The following NIBAN1 variants were observed in gnomAD, a reference collection of about 807,000 sequenced individuals.
The protein encoded by NIBAN1 is protein Niban 1.
Under a neutral mutation model 75.1 loss-of-function variants are expected in NIBAN1, and 81 were observed. That is an observed-to-expected ratio of 1.08 (90% CI 0.90 to 1.30). The LOEUF (loss-of-function observed/expected upper bound fraction) is 1.30. NIBAN1 is among the 50% of genes most tolerant of loss of function. NIBAN1 has a pLI of 0.00. For synonymous variants in NIBAN1, 436 were observed against 424.8 expected (o/e 1.03, Z -0.32); for missense variants, 1,133 against 1,128.1 (o/e 1.00, Z -0.06).
chr1:184,929,135 G>A (rs1284923568), intron 1 of NIBAN1, among the ~76,000 whole-genome samples: 1 of 152,084 alleles, frequency 6.6e-6, no homozygotes, highest in African/African-American at 2.4e-5. Flanking sequence ...CATGATTTTA[G>A]TGTCATATTG....
intron 12 of NIBAN1, among the ~76,000 whole-genome samples, chr1:184,802,310 A>T (rs1571470975): frequency 6.6e-6 from 1 of 152,296 alleles, no homozygotes; most frequent in African/African-American, 2.4e-5. Context: ...GCTTGGAAAG[A>T]GGGGAGCCGA....
intron 6 of NIBAN1, among the ~76,000 whole-genome samples, chr1:184,824,916 G>A (rs1654804654): frequency 6.6e-6 from 1 of 152,134 alleles, no homozygotes; most frequent in Admixed American, 6.5e-5. Flanking sequence ...GACACACATA[G>A]CTACCTTGGC....
At chr1:184,952,167 A>G (rs1281959007) in intron 1 of NIBAN1, among the ~76,000 whole-genome samples, 6 of 152,234 alleles carry the variant, frequency 3.9e-5, no homozygotes, top group Non-Finnish European at 4.4e-5. Context: ...TTGGGAAGCC[A>G]AGGTGGGCAA....
chr1:184,808,522 A>G (rs1654273654), intron 9 of NIBAN1, among the ~76,000 whole-genome samples: 1 of 151,922 alleles, frequency 6.6e-6, no homozygotes, highest in Non-Finnish European at 1.5e-5. Flanking sequence ...CTGTTGATGG[A>G]CTCTAATCTC....
intron 1 of NIBAN1, among the ~76,000 whole-genome samples, chr1:184,946,117 T>C (rs1396379319): frequency 6.6e-6 from 1 of 152,072 alleles, no homozygotes; most frequent in Non-Finnish European, 1.5e-5. Flanking sequence ...AGAAGCATTC[T>C]AATGGTTATG....
At chr1:184,961,055 T>C (rs1658624903) in intron 1 of NIBAN1, among the ~76,000 whole-genome samples, 1 of 136,510 alleles carries the variant, frequency 7.3e-6, no homozygotes, top group Non-Finnish European at 1.6e-5. Context: ...CTATATGCCG[T>C]TCTTTTTTTT....
At chr1:184,808,796 T>C (rs1383234738) in intron 9 of NIBAN1, among the ~76,000 whole-genome samples, 6 of 152,292 alleles carry the variant, frequency 3.9e-5, no homozygotes, top group East Asian at 1.9e-4. Flanking sequence ...GGCAGAGCCC[T>C]GTACTGGGAG....
intron 1 of NIBAN1, among the ~76,000 whole-genome samples, chr1:184,939,925 GA>G (rs1463147409): frequency 6.6e-6 from 1 of 152,140 alleles, no homozygotes; most frequent in Non-Finnish European, 1.5e-5. Context: ...ATGGCATTTG[GA>G]AAATATGGAA....
chr1:184,808,176 A>T lies in NIBAN1; in HGVS notation c.1233T>A (p.Thr411=). 6.2e-6 allele frequency: 10 copies of T among 1,614,168 alleles called. No homozygotes were observed. The highest frequency in any genetic ancestry group is 8.5e-6 in the Non-Finnish European group (10 of 1,180,010). ...GGCGCTCGTGAAGCAGGTTGACTTT[A>T]GTATAACAAGGTTCCATCTTCACGG... ...LHSVKMEPCY[T]KVNLLHERLQ... is the part of the protein sequence containing the mutation. Residue 411 remains threonine, a synonymous_variant, in exon 10 of 14, where the codon ACT becomes ACA. Coordinates refer to ENST00000367511, the MANE Select transcript of NIBAN1 (RefSeq NM_052966.4).
At chr1:184,920,662 T>C (rs1005351495) in intron 1 of NIBAN1, among the ~76,000 whole-genome samples, 1 of 152,170 alleles carries the variant, frequency 6.6e-6, no homozygotes, top group Non-Finnish European at 1.5e-5. Flanking sequence ...ATCTTAATTA[T>C]TATTAAATTT....
intron 1 of NIBAN1, among the ~76,000 whole-genome samples, chr1:184,912,325 C>T (rs1216603845): frequency 2.0e-5 from 3 of 152,106 alleles, no homozygotes; most frequent in Non-Finnish European, 4.4e-5. Flanking sequence ...AACATTGGTG[C>T]ACGAATCTCC....
intron 9 of NIBAN1, among the ~76,000 whole-genome samples, chr1:184,811,365 G>A (rs1654370749): frequency 6.6e-6 from 1 of 152,086 alleles, no homozygotes; most frequent in African/African-American, 2.4e-5. Context: ...CTTAATTTCT[G>A]GAAAACTGAG....
At chr1:184,961,474 C>A (rs1289267979) in intron 1 of NIBAN1, among the ~76,000 whole-genome samples, 1 of 152,122 alleles carries the variant, frequency 6.6e-6, no homozygotes, top group Admixed American at 6.5e-5. Context: ...ATCTCCTTGC[C>A]CAATTGCCAC....
intron 1 of NIBAN1, among the ~76,000 whole-genome samples, chr1:184,900,280 G>A (rs1006451414): frequency 3.9e-5 from 6 of 152,096 alleles, no homozygotes; most frequent in African/African-American, 1.4e-4. Flanking sequence ...AGACAGAGGG[G>A]GAAACTTTGG....
At chr1:184,806,849 A>C (rs1242307580) in intron 10 of NIBAN1, among the ~76,000 whole-genome samples, 2 of 149,722 alleles carry the variant, frequency 1.3e-5, no homozygotes, top group East Asian at 3.9e-4. Context: ...GTTCACTGCA[A>C]CCTCTGCCTC....
chr1:184,861,041 G>A (rs1200036398), intron 5 of NIBAN1, among the ~76,000 whole-genome samples: 1 of 152,214 alleles, frequency 6.6e-6, no homozygotes, highest in Admixed American at 6.5e-5. Flanking sequence ...CCAGGGGTCA[G>A]CAAACTTTTT....
chr1:184,947,887 G>T (rs1023055843), intron 1 of NIBAN1, among the ~76,000 whole-genome samples: 5 of 152,200 alleles, frequency 3.3e-5, no homozygotes, highest in African/African-American at 1.2e-4. Context: ...TACCCCCTTG[G>T]TAAGGGCATT....
At chr1:184,974,221 G>T (rs1301706176) in intron 1 of NIBAN1, 81 bp downstream of exon 1, 2 of 1,353,566 alleles carry the variant, frequency 1.5e-6, no homozygotes, top group Non-Finnish European at 1.9e-6. Flanking sequence ...CCCGGGGCGC[G>T]CCCCTTGGGG....
At chr1:184,814,033 A>G (rs1054873072) in intron 9 of NIBAN1, among the ~76,000 whole-genome samples, 2 of 152,244 alleles carry the variant, frequency 1.3e-5, no homozygotes, top group South Asian at 4.1e-4. Flanking sequence ...ATTTTTTGTA[A>G]GAGATTATAA....
Sources: gnomAD v4.1 joint callset for allele counts (sites outside exome capture counted in the v4.1 genomes callset) on GRCh38, gnomAD v4.1.1 for gene constraint, MANE v1.5 for transcripts, NCBI Gene and HGNC (gene_info 2026-07-23, HGNC 2026-07-21) for gene names.